The following NRXN3 variants were observed in gnomAD, a reference collection of about 807,000 sequenced individuals.
NRXN3 encodes the protein neurexin III.
A neutral mutation model predicts 137.6 loss-of-function variants in NRXN3; 32 were observed. That is an observed-to-expected ratio of 0.23 (90% CI 0.18 to 0.31). NRXN3 has a LOEUF of 0.31. NRXN3 is among the 10% of genes least tolerant of loss of function. The pLI is 1.00. For missense variants in NRXN3, 1,574 were observed against 2,062.5 expected, an observed-to-expected ratio of 0.76 and a Z score of 4.59; for synonymous variants, 798 against 784.5, an observed-to-expected ratio of 1.02 and a Z score of -0.29.
chr14:79,316,191 T>G (rs1211820015), intron 15 of NRXN3, among the ~76,000 whole-genome samples: 3 of 152,212 alleles, frequency 2.0e-5, no homozygotes, highest in African/African-American at 7.2e-5. Flanking sequence ...TTAATCTACA[T>G]TGTAAGAGTA....
At chr14:79,184,194 C>T (rs1266765451) in intron 15 of NRXN3, among the ~76,000 whole-genome samples, 2 of 152,152 alleles carry the variant, frequency 1.3e-5, no homozygotes, top group East Asian at 1.9e-4. Flanking sequence ...ACCATTTTGG[C>T]AGGCCAGATG....
intron 6 of NRXN3, among the ~76,000 whole-genome samples, chr14:78,706,043 T>C (rs74725408): frequency 0.12 from 17,707 of 152,110 alleles, 1,135 homozygotes; most frequent in South Asian, 0.25. Flanking sequence ...GGCTTTTTTT[T>C]CCCTCCTTTT....
intron 4 of NRXN3, among the ~76,000 whole-genome samples, chr14:78,568,619 A>G (rs960886013): frequency 2.6e-5 from 4 of 152,212 alleles, no homozygotes; most frequent in Admixed American, 1.3e-4. Flanking sequence ...TACACCGATT[A>G]TCTTGTTTGA....
intron 11 of NRXN3, among the ~76,000 whole-genome samples, chr14:78,961,012 ATTTTTT>A (rs201893544): frequency 7.3e-6 from 1 of 137,222 alleles, no homozygotes; most frequent in Non-Finnish European, 1.6e-5. Context: ...GTATTTGCTA[ATTTTTT>A]TTTTTTTTTT....
At chr14:78,225,952 G>GGTGTGTGTGTGT (rs5809869) in intron 1 of NRXN3, among the ~76,000 whole-genome samples, 20 of 124,808 alleles carry the variant, frequency 1.6e-4, no homozygotes, top group African/African-American at 3.3e-4. Flanking sequence ...GTGTTTTTTT[G>GGTGTGTGTGTGT]GTGTGTGTGT....
chr14:78,286,399 G>A (rs1462579813), intron 3 of NRXN3, among the ~76,000 whole-genome samples: 1 of 152,066 alleles, frequency 6.6e-6, no homozygotes, highest in African/African-American at 2.4e-5. Context: ...GGGGAAATGA[G>A]GCAACAGACC....
At chr14:78,193,761 C>CAA (rs375804646) in intron 1 of NRXN3, among the ~76,000 whole-genome samples, 8,775 of 108,928 alleles carry the variant, frequency 0.081, 1,109 homozygotes, top group African/African-American at 0.28. Context: ...AACTCTGTCT[C>CAA]AAAAAAAAAA....
rs1048320306 is a variant in NRXN3, at chr14:79,865,439, A to G, written c.*3475A>G. The G allele has an allele frequency of 1.1e-4, 17 of 152,140 alleles. No homozygotes were observed. The highest frequency in any genetic ancestry group is 4.1e-4 in the African/African-American group (17 of 41,422). 9.4% of individuals were successfully genotyped at this position (152,140 alleles called of 1,614,324 possible). ...TTAACTGAACAGCTGTCCTTTATCC[A>G]TATGTTGGTTACCAGTTTTCAAAGA... On this transcript the variant is annotated 3_prime_UTR_variant, in exon 21 of 21. Transcript: ENST00000335750.
At chr14:78,918,524 A>G (rs1441831644) in intron 10 of NRXN3, among the ~76,000 whole-genome samples, 1 of 152,160 alleles carries the variant, frequency 6.6e-6, no homozygotes, top group Admixed American at 6.5e-5. Flanking sequence ...ACTGTCTGAG[A>G]TCAGTTTAAG....
At chr14:78,903,920 C>T (rs2099206212) in intron 10 of NRXN3, among the ~76,000 whole-genome samples, 1 of 151,990 alleles carries the variant, frequency 6.6e-6, no homozygotes, top group South Asian at 2.1e-4. Flanking sequence ...CATTGAGAGA[C>T]AAAGTGTTTG....
intron 4 of NRXN3, among the ~76,000 whole-genome samples, chr14:78,433,165 AGT>A (rs1298348308): frequency 1.3e-5 from 2 of 152,136 alleles, no homozygotes; most frequent in East Asian, 3.9e-4. Flanking sequence ...TATGCCTCAC[AGT>A]TATGGGATTG....
intron 15 of NRXN3, among the ~76,000 whole-genome samples, chr14:79,048,109 G>A (rs2099635728): frequency 1.4e-5 from 2 of 146,506 alleles, no homozygotes; most frequent in African/African-American, 5.1e-5. Flanking sequence ...ACAAGTAAAT[G>A]CAACAACATG....
At chr14:78,572,363 C>T (rs2096897526) in intron 4 of NRXN3, among the ~76,000 whole-genome samples, 1 of 152,184 alleles carries the variant, frequency 6.6e-6, no homozygotes, top group African/African-American at 2.4e-5. Flanking sequence ...CTCATAGCCA[C>T]TGGGTAGCCC....
chr14:79,235,031 A>T (rs371501276), intron 15 of NRXN3, among the ~76,000 whole-genome samples: 1 of 146,386 alleles, frequency 6.8e-6, no homozygotes, highest in Non-Finnish European at 1.5e-5. Context: ...AAACATTGAT[A>T]TTTTTTTGAA....
At chr14:78,303,869 C>T (rs1284075972) in intron 4 of NRXN3, among the ~76,000 whole-genome samples, 1 of 152,124 alleles carries the variant, frequency 6.6e-6, no homozygotes, top group African/African-American at 2.4e-5. Flanking sequence ...CAATCCACTC[C>T]CCAACACCTG....
intron 15 of NRXN3, among the ~76,000 whole-genome samples, chr14:79,005,511 A>G (rs972629789): frequency 6.6e-6 from 1 of 152,198 alleles, no homozygotes; most frequent in Admixed American, 6.5e-5. Flanking sequence ...TCTTTGTGTC[A>G]AAATGCATTT....
chr14:79,845,652 C>G (rs1292434724), intron 20 of NRXN3, among the ~76,000 whole-genome samples: 71 of 69,752 alleles, frequency 1.0e-3, no homozygotes, highest in African/African-American at 2.7e-3. Flanking sequence ...GGGAGAGAGA[C>G]GGAGACGGGG....
rs549765346 is a variant in NRXN3 at position 78,694,475 on chromosome 14, A to T, written c.1222-14742A>T. 2.6e-5 allele frequency among the ~76,000 whole-genome samples: 4 copies of T among 151,946 alleles called. No individual in the cohort carries two copies. The South Asian group carries it at 8.3e-4, about 32-fold the overall frequency. On this transcript the variant is annotated intron_variant, in intron 6 of 20. Coordinates refer to ENST00000335750, the MANE Select transcript of NRXN3 (RefSeq NM_001330195.2). ...TATACATGTCTATCTTCCCCAGATCATTCTAAGTTTTTCAGCAAAAAGATT... is the reference window on the plus strand; with the variant it reads ...TATACATGTCTATCTTCCCCAGATCTTTCTAAGTTTTTCAGCAAAAAGATT...
chr14:79,082,391 T>TTTGTG (rs2047213066), intron 15 of NRXN3, among the ~76,000 whole-genome samples: 3 of 146,936 alleles, frequency 2.0e-5, no homozygotes, highest in South Asian at 2.2e-4. Context: ...TGCAAACTAA[T>TTTGTG]TGTGTGTGTG....
Sources: allele counts gnomAD v4.1 joint callset (sites outside exome capture counted in the v4.1 genomes callset), GRCh38; gene constraint gnomAD v4.1.1; transcripts MANE v1.5; gene names NCBI Gene and HGNC (gene_info 2026-07-23, HGNC 2026-07-21).